Variants in GRID2 observed in about 807,000 individuals in gnomAD.
The protein encoded by GRID2 is glutamate receptor ionotropic, delta-2.
GRID2 carries 33 observed loss-of-function variants against 114.8 expected under a neutral mutation model. That is an observed-to-expected ratio of 0.29 (90% confidence interval 0.22 to 0.38). GRID2 has a LOEUF of 0.38. GRID2 is among the 10% of genes least tolerant of loss of function. The probability of loss-of-function intolerance (pLI) is 1.00; values close to 1 mark genes in which losing one functional copy is unlikely to be tolerated. For synonymous variants in GRID2, 505 were observed against 449.9 expected (o/e 1.12, Z -1.55); for missense variants, 1,184 against 1,257.7 (o/e 0.94, Z 0.89).
At chr4:92,654,891 GC>G (rs1406465047) in intron 2 of GRID2, among the ~76,000 whole-genome samples, 12 of 152,054 alleles carry the variant, frequency 7.9e-5, no homozygotes, top group African/African-American at 2.4e-4. Flanking sequence ...CTTTGAAGAA[GC>G]TTTTTAGTTG....
intron 13 of GRID2, among the ~76,000 whole-genome samples, chr4:93,541,444 T>C (rs771274794): frequency 6.6e-6 from 1 of 152,112 alleles, no homozygotes; most frequent in Non-Finnish European, 1.5e-5. Context: ...GGGGTATTCT[T>C]CTCTTCAAAT....
intron 8 of GRID2, among the ~76,000 whole-genome samples, chr4:93,265,440 T>C (rs942268733): frequency 1.8e-4 from 28 of 152,302 alleles, no homozygotes; most frequent in African/African-American, 6.5e-4. Flanking sequence ...TTAGAAACTA[T>C]AGTAAATCCT....
At chr4:93,490,578 A>G (rs1349560734) in intron 11 of GRID2, 61 bp from the exon 12 acceptor site, 6 of 1,309,832 alleles carry the variant, frequency 4.6e-6, no homozygotes, top group Non-Finnish European at 5.4e-6. Flanking sequence ...AATATAGATG[A>G]CTTCAGATCC....
intron 2 of GRID2, among the ~76,000 whole-genome samples, chr4:92,805,460 T>G (rs1740363703): frequency 6.6e-6 from 1 of 152,076 alleles, no homozygotes; most frequent in Admixed American, 6.6e-5. Flanking sequence ...TCTGAGAATT[T>G]ATGTAGCAAA....
intron 10 of GRID2, among the ~76,000 whole-genome samples, chr4:93,445,680 G>T (rs2149397808): frequency 6.6e-6 from 1 of 151,984 alleles, no homozygotes; most frequent in East Asian, 1.9e-4. Flanking sequence ...TAAAACTTGG[G>T]AAATGAATAA....
chr4:93,068,284 C>T (rs372089034), intron 2 of GRID2, among the ~76,000 whole-genome samples: 14 of 152,032 alleles, frequency 9.2e-5, no homozygotes, highest in East Asian at 7.7e-4. Flanking sequence ...AAAAACCTTA[C>T]GAGGCAAGCA....
intron 2 of GRID2, among the ~76,000 whole-genome samples, chr4:92,796,248 A>T (rs971077431): frequency 2.6e-5 from 4 of 151,818 alleles, no homozygotes; most frequent in South Asian, 2.1e-4. Context: ...CAAGTAGACC[A>T]CTTCAACACC....
chr4:92,732,719 ATCTG>A (rs1736386110), intron 2 of GRID2, among the ~76,000 whole-genome samples: 1 of 152,208 alleles, frequency 6.6e-6, no homozygotes, highest in East Asian at 1.9e-4. Flanking sequence ...CCTTTCATCT[ATCTG>A]TCTATCTTTC....
chr4:93,455,050 T>G (rs578255200), intron 10 of GRID2, among the ~76,000 whole-genome samples: 2 of 152,154 alleles, frequency 1.3e-5, no homozygotes, highest in Non-Finnish European at 2.9e-5. Context: ...AAGAATTCTC[T>G]TTCCTTAATC....
chr4:93,075,818 G>T (rs991660945), intron 2 of GRID2, among the ~76,000 whole-genome samples: 9 of 145,904 alleles, frequency 6.2e-5, no homozygotes, highest in Non-Finnish European at 1.2e-4. Flanking sequence ...CTAAATAAAT[G>T]AAGTTATGTA....
chr4:93,619,330 G>A (rs754938929), intron 13 of GRID2, among the ~76,000 whole-genome samples: 45 of 152,226 alleles, frequency 3.0e-4, no homozygotes, highest in African/African-American at 4.8e-4. Flanking sequence ...AGAGGCTACC[G>A]CCCAGAACCA....
chr4:93,267,566 T>C (rs1191282982), intron 8 of GRID2, among the ~76,000 whole-genome samples: 2 of 152,198 alleles, frequency 1.3e-5, no homozygotes, highest in African/African-American at 4.8e-5. Context: ...TAAGTCAGAA[T>C]ACTTAGCTGA....
chr4:93,579,955 A>G lies in GRID2; in HGVS notation c.2194-46314A>G, dbSNP rs555591354. On this transcript the variant is annotated intron_variant, in intron 13 of 15. Transcript: ENST00000282020. ...GCATCTGTCATTCGGATCATCTCCAATGCTCTGATCTATGTTCTTTGTTAT... is the reference window on the plus strand; with the variant it reads ...GCATCTGTCATTCGGATCATCTCCAGTGCTCTGATCTATGTTCTTTGTTAT... Among the ~76,000 whole-genome samples the G allele has an allele frequency of 3.9e-5, 6 of 152,328 alleles. No individual in the cohort carries two copies. The South Asian group carries it at 1.2e-3, about 32-fold the overall frequency.
At chr4:93,793,561 G>C (rs1399957118) in intron 1 of GRID2, among the ~76,000 whole-genome samples, 1 of 152,118 alleles carries the variant, frequency 6.6e-6, no homozygotes, top group South Asian at 2.1e-4. Flanking sequence ...ATTGATGCTT[G>C]TCTGTAATTT....
At chr4:92,931,255 A>G (rs1351182285) in intron 2 of GRID2, among the ~76,000 whole-genome samples, 3 of 151,000 alleles carry the variant, frequency 2.0e-5, no homozygotes, top group African/African-American at 7.3e-5. Flanking sequence ...AAATAACTTA[A>G]TAGGCATTAA....
chr4:92,921,486 C>T lies in GRID2; in HGVS notation c.245-163509C>T, dbSNP rs188781082. Among the ~76,000 whole-genome samples, 103 of 152,038 alleles carry T rather than the reference C, an allele frequency of 6.8e-4. 1 individual carries two copies. The highest frequency in any genetic ancestry group is 2.4e-3 in the African/African-American group (98 of 41,480). ...TCCTCATCTTTGTGGTTTTATCTAC[C>T]TTTGGTCTTTGATCATGGTGACATA... On this transcript the variant is annotated intron_variant, in intron 2 of 15. Transcript: ENST00000282020.
At chr4:93,139,671 A>G (rs2149384692) in intron 4 of GRID2, among the ~76,000 whole-genome samples, 1 of 152,064 alleles carries the variant, frequency 6.6e-6, no homozygotes, top group South Asian at 2.1e-4. Context: ...TTCCATTCCA[A>G]TAAACTTAAA....
chr4:92,347,687 T>C (rs1053975938), intron 1 of GRID2, among the ~76,000 whole-genome samples: 1 of 152,102 alleles, frequency 6.6e-6, no homozygotes, highest in African/African-American at 2.4e-5. Flanking sequence ...AGAAATTACA[T>C]AAGATGAAAC....
chr4:93,144,130 T>C (rs1345842843), intron 4 of GRID2, among the ~76,000 whole-genome samples: 1 of 152,188 alleles, frequency 6.6e-6, no homozygotes, highest in Non-Finnish European at 1.5e-5. Flanking sequence ...TTTACATTTC[T>C]AACAAGTTGC....
Sources: allele counts gnomAD v4.1 joint callset (sites outside exome capture counted in the v4.1 genomes callset), GRCh38; gene constraint gnomAD v4.1.1; transcripts MANE v1.5; gene names NCBI Gene and HGNC (gene_info 2026-07-23, HGNC 2026-07-21).